HHLA1: variants seen among roughly 807,000 people sequenced by gnomAD.
HHLA1 encodes HHLA1 neighbor of OC90, also known as HERV-H LTR-associating protein 1.
In HHLA1, 72 loss-of-function variants were observed where a neutral mutation model predicts 69.9. That is an observed-to-expected ratio of 1.03 (90% CI 0.85 to 1.25). The LOEUF is 1.25. HHLA1 is among the 50% of genes most tolerant of loss of function. The pLI is 0.00. For synonymous variants in HHLA1, 252 were observed against 233.2 expected, an observed-to-expected ratio of 1.08 and a Z score of -0.73; for missense variants, 685 against 642.2, an observed-to-expected ratio of 1.07 and a Z score of -0.72.
intron 14 of HHLA1, among the ~76,000 whole-genome samples, chr8:132,075,293 A>G (rs1823616390): frequency 6.6e-6 from 1 of 152,140 alleles, no homozygotes; most frequent in Non-Finnish European, 1.5e-5. Context: ...TGGTGTACAA[A>G]GGTATTCAGG....
intron 14 of HHLA1, among the ~76,000 whole-genome samples, chr8:132,074,154 G>C (rs563508486): frequency 6.6e-6 from 1 of 152,246 alleles, no homozygotes; most frequent in African/African-American, 2.4e-5. Flanking sequence ...TTAAGGTATA[G>C]TGCCTTTGCT....
chr8:132,082,814 C>T (rs890913950), intron 10 of HHLA1, among the ~76,000 whole-genome samples: 3 of 151,938 alleles, frequency 2.0e-5, no homozygotes, highest in South Asian at 2.1e-4. Flanking sequence ...AAAACAATTT[C>T]GTTGATAAGG....
intron 16 of HHLA1, among the ~76,000 whole-genome samples, chr8:132,065,351 G>A (rs563038762): frequency 3.5e-4 from 53 of 152,224 alleles, no homozygotes; most frequent in Non-Finnish European, 6.2e-4. Context: ...GTGCAATCTC[G>A]GCTTACTGCA....
At chr8:132,067,791 A>T (rs543192271) in intron 15 of HHLA1, among the ~76,000 whole-genome samples, 1 of 152,240 alleles carries the variant, frequency 6.6e-6, no homozygotes, top group African/African-American at 2.4e-5. Context: ...GTTGTGCAAC[A>T]TGTGGTCTAG....
chr8:132,076,915 T>A (rs1319548500), intron 12 of HHLA1, among the ~76,000 whole-genome samples: 2 of 152,124 alleles, frequency 1.3e-5, no homozygotes, highest in African/African-American at 4.8e-5. Context: ...AGTCTTAGTG[T>A]ACACCTTGAT....
At chr8:132,080,471 G>A (rs1823732250) in intron 10 of HHLA1, 1 of 256,632 alleles carries the variant, frequency 3.9e-6, no homozygotes, top group African/African-American at 2.4e-5. Flanking sequence ...TGCTTTTTGA[G>A]CCAGGATGAG....
Position 132,087,607 on chromosome 8 carries a change from C to T in HHLA1, c.676+46G>A, listed in dbSNP as rs117997302. ...AGTCATTAGTGTGCCAGGTGGGACCCTGGTCTGGAGAGTCTATGGGAGGAG... is the reference window on the plus strand; with the variant it reads ...AGTCATTAGTGTGCCAGGTGGGACCTTGGTCTGGAGAGTCTATGGGAGGAG... On this transcript the variant is annotated intron_variant, in intron 10 of 16. Coordinates refer to ENST00000414222, the MANE Select transcript of HHLA1 (RefSeq NM_001145095.3). 1.2e-3 allele frequency: 1,542 copies of T among 1,299,790 alleles called. 35 individuals are homozygous for T. In the East Asian group the frequency reaches 0.033, roughly 28 times the overall value. 80.5% of individuals were successfully genotyped at this position (1,299,790 alleles called of 1,614,324 possible). A position where few individuals can be genotyped will look rare whatever the true frequency, so the allele number is the denominator to read the frequency against.
chr8:132,101,155 T>A (rs757642124), intron 3 of HHLA1: 3 of 1,521,460 alleles, frequency 2.0e-6, no homozygotes, highest in African/African-American at 2.8e-5. Context: ...ATTTTGCAAA[T>A]AGAAAACAAC....
chr8:132,071,843 G>A (rs1256020867), intron 14 of HHLA1, among the ~76,000 whole-genome samples: 1 of 152,152 alleles, frequency 6.6e-6, no homozygotes, highest in Non-Finnish European at 1.5e-5. Flanking sequence ...GTAAGGGGGT[G>A]ACTTGCTGAG....
chr8:132,102,603 C>T (rs116350571), intron 3 of HHLA1, among the ~76,000 whole-genome samples: 3,138 of 152,292 alleles, frequency 0.021, 109 homozygotes, highest in African/African-American at 0.068. Flanking sequence ...ATAAGATCTG[C>T]AGGAGGCACA....
At chr8:132,101,068 T>C (rs1008477284) in intron 3 of HHLA1, 61 of 1,218,534 alleles carry the variant, frequency 5.0e-5, no homozygotes, top group African/African-American at 6.2e-5. Context: ...AAAGCTAGTA[T>C]CACATGTAAC....
At chr8:132,077,625 T>G (rs1273628247) in intron 12 of HHLA1, 101 bp downstream of exon 12, 8 of 1,166,080 alleles carry the variant, frequency 6.9e-6, no homozygotes, top group Non-Finnish European at 9.6e-6. Flanking sequence ...CTTAGTTTTC[T>G]GTGTGTGTAT....
At position 132,065,977 on chromosome 8, in the gene HHLA1, T is replaced by G. The variant is rs752375269; in HGVS notation, c.1470-9A>C. 2.8e-5 allele frequency: 34 copies of G among 1,234,876 alleles called. 1 individual carries two copies. The South Asian group carries it at 4.1e-4, about 15-fold the overall frequency. 76.5% of individuals were successfully genotyped at this position (1,234,876 alleles called of 1,614,324 possible). A position where few individuals can be genotyped will look rare whatever the true frequency, so the allele number is the denominator to read the frequency against. On this transcript the variant is annotated splice_polypyrimidine_tract_variant and intron_variant, in intron 15 of 16. Coordinates refer to ENST00000414222, the MANE Select transcript of HHLA1 (RefSeq NM_001145095.3). ...AGTATTCAAGACAGTATCTAAAGAT[T>G]TAAATCAGAGCAGGGAGCAATAACT...
chr8:132,068,811 C>A (rs1365103596), intron 15 of HHLA1, among the ~76,000 whole-genome samples: 1 of 152,148 alleles, frequency 6.6e-6, no homozygotes, highest in African/African-American at 2.4e-5. Context: ...GCTTTGTTAT[C>A]CTGCAAGGAG....
chr8:132,076,079 C>A lies in HHLA1; in HGVS notation c.1291G>T (p.Val431Phe). Residue 431 changes from valine to phenylalanine, a missense_variant, in exon 14 of 17, where the codon GTC becomes TTC. Transcript: ENST00000414222. ...CTTGAAACTTGATGGGGTCTTGGGACCAGGACTGGCTCTTCACCAGCAGTG... is the reference window on the plus strand; with the variant it reads ...CTTGAAACTTGATGGGGTCTTGGGAACAGGACTGGCTCTTCACCAGCAGTG... ...PFTAGEEPVL[V>F]PRPHQVSRCP... The A allele has an allele frequency of 1.3e-6, 2 of 1,551,316 alleles. No individual in the cohort carries two copies. The highest frequency in any genetic ancestry group is 1.7e-6 in the Non-Finnish European group (2 of 1,146,842).
chr8:132,088,932 C>T (rs377047859), intron 8 of HHLA1, among the ~76,000 whole-genome samples: 2 of 152,314 alleles, frequency 1.3e-5, no homozygotes, highest in East Asian at 3.9e-4. Context: ...TTCTCTTTCT[C>T]CCTCCCTCCT....
rs1416985842 is a variant in HHLA1 at position 132,105,226 on chromosome 8, A to T, written c.40T>A (p.Cys14Ser). ...FLSRGPSMKL[C>S]MGLACVLSLW... is the part of the protein sequence containing the mutation. ...GACAAGACACATGCCAGGCCCATGC[A>T]CAGCTTCATTGAAGGACCACGTGAC... The change falls in exon 2 of 17, where the codon TGC becomes AGC. Residue 14 changes from cysteine (C) to serine (S), a missense_variant. Physicochemically the swap from Cys to Ser is moderately radical, Grantham distance 112. Coordinates refer to ENST00000414222, the MANE Select transcript of HHLA1 (RefSeq NM_001145095.3). 1.3e-6 allele frequency: 2 copies of T among 1,552,120 alleles called. No individual in the cohort carries two copies. The highest frequency in any genetic ancestry group is 2.7e-5 in the African/African-American group (2 of 73,040).
intron 13 of HHLA1, 39 bp from the exon 14 acceptor site, chr8:132,076,168 G>T: frequency 1.4e-6 from 2 of 1,408,942 alleles, no homozygotes; most frequent in Non-Finnish European, 2.0e-6. Context: ...AGTCAGAATG[G>T]AATTACCTTA....
At position 132,086,092 on chromosome 8, in the gene HHLA1, C is replaced by A. The variant is rs571523148; in HGVS notation, c.676+1561G>T. Among the ~76,000 whole-genome samples, 41 of 152,206 alleles carry A rather than the reference C, an allele frequency of 2.7e-4. No homozygotes were observed. The South Asian group carries it at 7.5e-3, about 28-fold the overall frequency. ...GGCTCCCATAGAGTTAGCAGGAGGG[C>A]TTAATTCAGAGGGAAATCTACCCAG... is the stretch of plus-strand genomic sequence containing the variant. On this transcript the variant is annotated intron_variant, in intron 10 of 16. Transcript: ENST00000414222.
Sources: gnomAD v4.1 joint callset for allele counts (sites outside exome capture counted in the v4.1 genomes callset) on GRCh38, gnomAD v4.1.1 for gene constraint, MANE v1.5 for transcripts, NCBI Gene and HGNC (gene_info 2026-07-23, HGNC 2026-07-21) for gene names.